RC3H1: variants seen among roughly 807,000 people sequenced by gnomAD.
RC3H1 encodes the protein roquin-1.
A neutral mutation model predicts 138.2 loss-of-function variants in RC3H1; 50 were observed. The observed-to-expected ratio is 0.36, with a 90% CI of 0.29 to 0.46. The LOEUF (loss-of-function observed/expected upper bound fraction) is 0.46, where lower values mean the gene tolerates loss of function less well. Ranked by LOEUF, RC3H1 falls within the 20% of genes least tolerant of loss-of-function variation. The pLI is 1.00. For missense variants in RC3H1, 1,031 were observed against 1,388.1 expected, an observed-to-expected ratio of 0.74 and a Z score of 4.09; for synonymous variants, 462 against 489.1, an observed-to-expected ratio of 0.94 and a Z score of 0.73.
chr1:174,022,077 C>A lies in RC3H1; in HGVS notation c.-151+19G>T, dbSNP rs916280547. The A allele has an allele frequency of 1.3e-5, 5 of 396,630 alleles. No homozygotes were observed. The highest frequency in any genetic ancestry group is 2.2e-5 in the Non-Finnish European group (5 of 225,428). 24.6% of individuals were successfully genotyped at this position (396,630 alleles called of 1,614,324 possible). A position where few individuals can be genotyped will look rare whatever the true frequency, so the allele number is the denominator to read the frequency against. On this transcript the variant is annotated intron_variant, in intron 1 of 19. Coordinates refer to ENST00000367696, the MANE Select transcript of RC3H1 (RefSeq NM_172071.4). This position sits in a 1 kb window ranked among gnomAD's most constrained non-coding sequence, Gnocchi z 4.2. Reference sequence around the variant, plus strand: ...CGCGGCAGCCCCGCTCCCCAAGTCGCCGCCCGCCGCTCGCTCACCGCGCTG... The same window carrying A: ...CGCGGCAGCCCCGCTCCCCAAGTCGACGCCCGCCGCTCGCTCACCGCGCTG...
intron 1 of RC3H1, among the ~76,000 whole-genome samples, chr1:174,003,440 A>T (rs942629104): frequency 1.3e-5 from 2 of 150,452 alleles, no homozygotes; most frequent in Non-Finnish European, 3.0e-5. Flanking sequence ...ATCATCCTTG[A>T]CTACTCTCTT....
intron 5 of RC3H1, among the ~76,000 whole-genome samples, chr1:173,982,024 G>A (rs1660842079): frequency 1.3e-5 from 2 of 152,172 alleles, no homozygotes; most frequent in Admixed American, 1.3e-4. Flanking sequence ...CATATAAACT[G>A]AAATGGCAAA....
chr1:173,978,557 C>T lies in RC3H1; in HGVS notation c.1033G>A (p.Gly345Arg). ...QELTIALQRTGDPANLNRLRP... is the reference protein window; with the variant it reads ...QELTIALQRTRDPANLNRLRP... ...AGTCGGTTCAAGTTTGCTGGGTCTC[C>T]AGTTCGCTGGAGAGCAATTGTTAGT... The change falls in exon 7 of 20, where the codon GGA becomes AGA. Residue 345 changes from glycine (G) to arginine (R), a missense_variant. By Grantham distance (125) the Gly-to-Arg change is moderately radical (BLOSUM62 -2). This residue lies in a region of RC3H1 where 142 missense variants were observed against 224.6 expected (regional missense o/e 0.63). Coordinates refer to ENST00000367696, the MANE Select transcript of RC3H1 (RefSeq NM_172071.4). 6.2e-7 allele frequency: 1 copy of T among 1,614,054 alleles called. No homozygotes were observed. The highest frequency in any genetic ancestry group is 8.5e-7 in the Non-Finnish European group (1 of 1,179,994).
In RC3H1 at chr1:173,993,073, TTTATC is replaced by T; in HGVS notation, c.-93_-89del. The T allele has an allele frequency of 1.1e-6, 1 of 945,172 alleles. No individual in the cohort carries two copies. Among genetic ancestry groups the T allele is most frequent in the Admixed American group, 2.4e-5 (1 of 41,250 alleles). The allele number at this position is 945,172 out of a possible 1,614,324, so 58.5% of individuals were successfully genotyped here. A position where few individuals can be genotyped will look rare whatever the true frequency, so the allele number is the denominator to read the frequency against. On this transcript the variant is annotated 5_prime_UTR_variant, in exon 2 of 20. Transcript: ENST00000367696. ...TGGAATCAAAATCTTTGAAAAAAAGTTTATCTTTTTTTTTTTTAAATATCTTCTGT... is the reference window on the plus strand; with the variant it reads ...TGGAATCAAAATCTTTGAAAAAAAGTTTTTTTTTTTTTAAATATCTTCTGT...
intron 13 of RC3H1, among the ~76,000 whole-genome samples, chr1:173,953,282 C>CT (rs1016170818): frequency 3.5e-4 from 53 of 151,812 alleles, no homozygotes; most frequent in African/African-American, 1.2e-3. Flanking sequence ...TACAGTGCTC[C>CT]TTTTTTTTGA....
chr1:173,987,183 C>T (rs1401160146), intron 2 of RC3H1, among the ~76,000 whole-genome samples: 3 of 152,180 alleles, frequency 2.0e-5, no homozygotes, highest in Non-Finnish European at 4.4e-5. Flanking sequence ...ACATAATCTC[C>T]ACAAACTGTA....
intron 1 of RC3H1, among the ~76,000 whole-genome samples, chr1:174,008,378 C>T (rs1661688464): frequency 6.6e-6 from 1 of 151,874 alleles, no homozygotes; most frequent in Admixed American, 6.6e-5. Context: ...ATTGCAGATA[C>T]TTGAAAAACA....
At chr1:174,018,764 A>G (rs1031048544) in intron 1 of RC3H1, among the ~76,000 whole-genome samples, 1 of 152,190 alleles carries the variant, frequency 6.6e-6, no homozygotes, top group Non-Finnish European at 1.5e-5. Flanking sequence ...GCCAAAGCTA[A>G]ACCAGGTCAG....
chr1:173,967,183 T>C (rs1660157190), intron 9 of RC3H1, among the ~76,000 whole-genome samples: 1 of 152,050 alleles, frequency 6.6e-6, no homozygotes, highest in African/African-American at 2.4e-5. Context: ...TAGCTGGGCA[T>C]GGTGGCATGC....
chr1:174,021,120 G>A (rs1047306258), intron 1 of RC3H1, among the ~76,000 whole-genome samples: 12 of 152,180 alleles, frequency 7.9e-5, no homozygotes, highest in South Asian at 2.1e-4. Flanking sequence ...CTCTATGGCC[G>A]GAGATGAACC....
intron 19 of RC3H1, among the ~76,000 whole-genome samples, chr1:173,940,085 T>G (rs899004360): frequency 1.3e-5 from 2 of 152,170 alleles, no homozygotes; most frequent in Non-Finnish European, 2.9e-5. Context: ...AGAATAATAC[T>G]GGATGATATA....
chr1:173,932,817 T>C lies in RC3H1; in HGVS notation c.*5904A>G, dbSNP rs1658436907. On this transcript the variant is annotated 3_prime_UTR_variant, in exon 20 of 20. Transcript: ENST00000367696. ...AAAAAAAGGCAAATAATAATAATAA[T>C]AATAATAGAGCAACCAATTATTCAC... 1 of 152,002 alleles carries C rather than the reference T, an allele frequency of 6.6e-6. No individual in the cohort carries two copies. The highest frequency in any genetic ancestry group is 6.6e-5 in the Admixed American group (1 of 15,244). 9.4% of individuals were successfully genotyped at this position (152,002 alleles called of 1,614,324 possible). A position where few individuals can be genotyped will look rare whatever the true frequency, so the allele number is the denominator to read the frequency against.
intron 12 of RC3H1, 131 bp downstream of exon 12, chr1:173,961,593 GA>G: frequency 4.3e-6 from 4 of 923,012 alleles, no homozygotes; most frequent in Middle Eastern, 3.7e-4. Flanking sequence ...ATTATGAAAA[GA>G]TTTAAAAAAA....
rs1373140444 is a variant in RC3H1, at chr1:173,992,877, C to A, written c.109G>T (p.Val37Phe). 3 of 1,614,134 alleles carry A rather than the reference C, an allele frequency of 1.9e-6. No homozygotes were observed. The highest frequency in any genetic ancestry group is 2.5e-6 in the Non-Finnish European group (3 of 1,180,030). Residue 37 changes from valine to phenylalanine, a missense_variant, in exon 2 of 20, where the codon GTC (valine) becomes TTC (phenylalanine). Val to Phe is a conservative substitution (Grantham distance 50, BLOSUM62 -1). Around this residue, in one of 7 missense-constraint regions of RC3H1, gnomAD observed 35 missense variants for 69.4 expected, o/e 0.50. Transcript: ENST00000367696. ...AGTTTATTCAGGCACATCTTGCAGA[C>A]AGTATGGCCACAACCCAAACTGATG... ...KPISLGCGHT[V>F]CKMCLNKLHR...
At chr1:173,973,492 C>T (rs541292795) in intron 7 of RC3H1, among the ~76,000 whole-genome samples, 32 of 149,104 alleles carry the variant, frequency 2.1e-4, no homozygotes, top group Admixed American at 4.7e-4. Flanking sequence ...GCCGAGATTG[C>T]ACCACTGCAC....
chr1:173,957,996 G>A (rs1197410885), intron 13 of RC3H1, among the ~76,000 whole-genome samples: 2 of 152,126 alleles, frequency 1.3e-5, no homozygotes, highest in Admixed American at 6.5e-5. Context: ...CTATTTAGTA[G>A]ACTTCCTTCA....
chr1:173,990,238 G>A (rs924393913), intron 2 of RC3H1, among the ~76,000 whole-genome samples: 1 of 151,416 alleles, frequency 6.6e-6, no homozygotes, highest in East Asian at 1.9e-4. Context: ...TTCACACCTG[G>A]CTAATTTTTC....
chr1:173,946,635 A>G (rs1659149969), intron 16 of RC3H1, 27 bp from the exon 17 acceptor site: 1 of 1,610,812 alleles, frequency 6.2e-7, no homozygotes, highest in Non-Finnish European at 8.5e-7. Context: ...AGTGTGAATC[A>G]AATTTTAACA....
Position 174,022,061 on chromosome 1 carries a change from C to T in RC3H1, c.-151+35G>A. The T allele has an allele frequency of 2.5e-6, 1 of 395,934 alleles. No individual in the cohort carries two copies. Among genetic ancestry groups the T allele is most frequent in the Non-Finnish European group, 4.4e-6 (1 of 224,912 alleles). The allele number at this position is 395,934 out of a possible 1,614,324, so 24.5% of individuals were successfully genotyped here. On this transcript the variant is annotated intron_variant, in intron 1 of 19. Coordinates refer to ENST00000367696, the MANE Select transcript of RC3H1 (RefSeq NM_172071.4). The surrounding 1 kb of genome is among the most constrained non-coding windows in gnomAD (Gnocchi z 4.2). ...CGACTGAGGCCCCGGCCGCGGCAGC[C>T]CCGCTCCCCAAGTCGCCGCCCGCCG... is the stretch of plus-strand genomic sequence containing the variant.
Sources: gnomAD v4.1 joint callset for allele counts (sites outside exome capture counted in the v4.1 genomes callset) on GRCh38, gnomAD v4.1.1 for gene constraint, gnomAD v4.1.1 regional missense constraint, Gnocchi (gnomAD v3.1) non-coding constraint, MANE v1.5 for transcripts, NCBI Gene and HGNC (gene_info 2026-07-23, HGNC 2026-07-21) for gene names.